The following UNC13C variants were observed in gnomAD, a reference collection of about 807,000 sequenced individuals.
The protein encoded by UNC13C is protein unc-13 homolog C.
In UNC13C, 174 loss-of-function variants were observed where a neutral mutation model predicts 245.4. The ratio of observed to expected loss-of-function variants is 0.71; its 90% confidence interval spans 0.63 to 0.80. The LOEUF (loss-of-function observed/expected upper bound fraction) is 0.80, where lower values mean the gene tolerates loss of function less well. Ranked by LOEUF, UNC13C falls within the 30% of genes least tolerant of loss-of-function variation. UNC13C has a pLI of 0.00. For missense variants in UNC13C, 2,829 were observed against 2,602.9 expected (o/e 1.09, Z -1.89); for synonymous variants, 992 against 895.1 (o/e 1.11, Z -1.93).
At chr15:53,906,052 G>A in the UNC13C span, among the ~76,000 whole-genome samples, 1 of 152,118 alleles carries the variant, frequency 6.6e-6, no homozygotes, top group African/African-American at 2.4e-5. Context: ...CTCTGCAATA[G>A]GCTTGGCACA....
intron 2 of UNC13C, among the ~76,000 whole-genome samples, chr15:54,048,320 T>C (rs1221148802): frequency 6.6e-6 from 1 of 152,192 alleles, no homozygotes; most frequent in African/African-American, 2.4e-5. Context: ...TGTTTATGTT[T>C]CCTCTTTACC....
At chr15:54,202,613 C>T (rs956812704) in intron 4 of UNC13C, among the ~76,000 whole-genome samples, 3 of 151,956 alleles carry the variant, frequency 2.0e-5, no homozygotes, top group African/African-American at 7.2e-5. Context: ...TGGCAAGCCA[C>T]ATGTAGAAGA....
intron 19 of UNC13C, among the ~76,000 whole-genome samples, chr15:54,461,327 C>T (rs1044788252): frequency 2.0e-5 from 3 of 152,080 alleles, no homozygotes; most frequent in African/African-American, 7.2e-5. Flanking sequence ...TAGGGATGCT[C>T]AATCAGTCAA....
At chr15:54,095,920 A>G (rs533618852) in intron 2 of UNC13C, among the ~76,000 whole-genome samples, 1 of 152,334 alleles carries the variant, frequency 6.6e-6, no homozygotes, top group South Asian at 2.1e-4. Flanking sequence ...ATTTGACTGG[A>G]GTCTTGAAAG....
At chr15:54,409,688 G>T in intron 18 of UNC13C, among the ~76,000 whole-genome samples, 1 of 152,114 alleles carries the variant, frequency 6.6e-6, no homozygotes, top group East Asian at 1.9e-4. Flanking sequence ...CTCCATCCAC[G>T]TTGCTGCAAA....
At chr15:53,974,873 G>T (rs904877807), upstream of UNC13C, 1 of 152,110 alleles carries the variant, frequency 6.6e-6, no homozygotes, top group African/African-American at 2.4e-5. Context: ...TGTCAGCAGT[G>T]GTTGCAGTCA....
At chr15:54,408,222 A>AAAAAAAAAAAAAAC in intron 18 of UNC13C, among the ~76,000 whole-genome samples, 1 of 145,062 alleles carries the variant, frequency 6.9e-6, no homozygotes, top group Non-Finnish European at 1.5e-5. Context: ...AAAAAAAAAA[A>AAAAAAAAAAAAAAC]AAAAAAACAT....
At chr15:54,327,376 A>G (rs560600594) in intron 14 of UNC13C, among the ~76,000 whole-genome samples, 2 of 152,048 alleles carry the variant, frequency 1.3e-5, no homozygotes, top group East Asian at 3.9e-4. Flanking sequence ...AAAAATTGAA[A>G]TATTATTTTT....
chr15:54,504,793 T>C (rs1596486251), intron 22 of UNC13C, among the ~76,000 whole-genome samples: 2 of 152,162 alleles, frequency 1.3e-5, no homozygotes, highest in East Asian at 3.9e-4. Flanking sequence ...ATCTCACTGA[T>C]CATAAGAGCA....
intron 4 of UNC13C, among the ~76,000 whole-genome samples, chr15:54,176,275 A>G (rs932607974): frequency 9.9e-5 from 15 of 152,272 alleles, no homozygotes; most frequent in African/African-American, 3.4e-4. Context: ...AGCATCTCTA[A>G]ATCATATTGT....
chr15:54,396,343 A>G (rs984555437), intron 18 of UNC13C, among the ~76,000 whole-genome samples: 1 of 151,696 alleles, frequency 6.6e-6, no homozygotes, highest in African/African-American at 2.4e-5. Context: ...TGTAAATGTA[A>G]TCATAAATTC....
At chr15:54,532,614 G>C (rs557991097) in intron 25 of UNC13C, among the ~76,000 whole-genome samples, 36 of 152,168 alleles carry the variant, frequency 2.4e-4, no homozygotes, top group Admixed American at 9.2e-4. Context: ...TTTTAGAGCA[G>C]TCATTTTCCC....
intron 2 of UNC13C, among the ~76,000 whole-genome samples, chr15:54,080,495 A>G (rs528506489): frequency 2.0e-5 from 3 of 151,920 alleles, no homozygotes; most frequent in African/African-American, 7.2e-5. Flanking sequence ...ATTCATTTCT[A>G]TAACTTGTTA....
chr15:54,526,740 GAAAAAAAAAAAA>G lies in UNC13C; in HGVS notation c.5546+1116_5546+1127del, dbSNP rs1164016477. Among the ~76,000 whole-genome samples the G allele has an allele frequency of 3.0e-4, 19 of 63,112 alleles. No homozygotes were observed. The South Asian group carries it at 9.0e-3, about 30-fold the overall frequency. The allele number at this position is 63,112 out of a possible 152,430, so 41.4% of individuals were successfully genotyped here. ...GCCTGGGCAACAGAGACTCCGTCTA[GAAAAAAAAAAAA>G]AAAAAAAAAAAAGATTGCTCTCTTC... On this transcript the variant is annotated intron_variant, in intron 25 of 32. Coordinates refer to ENST00000260323, the MANE Select transcript of UNC13C (RefSeq NM_001080534.3).
chr15:54,105,152 T>C (rs1242886916), intron 2 of UNC13C, among the ~76,000 whole-genome samples: 3 of 152,232 alleles, frequency 2.0e-5, no homozygotes, highest in Admixed American at 1.3e-4. Context: ...TTTTAATTTT[T>C]ATCTCAGTCT....
At chr15:54,082,916 G>A (rs1279492999) in intron 2 of UNC13C, among the ~76,000 whole-genome samples, 1 of 152,082 alleles carries the variant, frequency 6.6e-6, no homozygotes, top group Non-Finnish European at 1.5e-5. Flanking sequence ...GGGATATATT[G>A]GACATATGAG....
intron 26 of UNC13C, among the ~76,000 whole-genome samples, chr15:54,534,829 G>A (rs549215115): frequency 6.6e-6 from 1 of 152,244 alleles, no homozygotes; most frequent in South Asian, 2.1e-4. Flanking sequence ...AAGCATAGGA[G>A]AAATTATATC....
At chr15:54,308,430 G>A (rs1171654038) in intron 13 of UNC13C, among the ~76,000 whole-genome samples, 1 of 151,600 alleles carries the variant, frequency 6.6e-6, no homozygotes, top group East Asian at 1.9e-4. Flanking sequence ...ATGATGTTTT[G>A]AAGTATATAT....
At chr15:54,494,837 T>A (rs1305332705) in intron 20 of UNC13C, 103 bp downstream of exon 20, 1 of 1,341,990 alleles carries the variant, frequency 7.5e-7, no homozygotes, top group Non-Finnish European at 1.0e-6. Context: ...ATAATCTTCA[T>A]TGGAATGCAG....
Sources: allele counts gnomAD v4.1 joint callset (sites outside exome capture counted in the v4.1 genomes callset), GRCh38; gene constraint gnomAD v4.1.1; transcripts MANE v1.5; gene names NCBI Gene and HGNC (gene_info 2026-07-23, HGNC 2026-07-21).